Variants in FDFT1 observed in about 807,000 individuals in gnomAD.
FDFT1 encodes the protein squalene synthase.
FDFT1 carries 68 observed loss-of-function variants against 46.8 expected under a neutral mutation model. The ratio of observed to expected loss-of-function variants is 1.45; its 90% CI spans 1.19 to 1.78. The LOEUF (loss-of-function observed/expected upper bound fraction) is 1.78, where lower values mean the gene tolerates loss of function less well. Ranked by LOEUF, FDFT1 falls within the 40% of genes most tolerant of loss-of-function variation. FDFT1 has a pLI of 0.00. For missense variants in FDFT1, 928 were observed against 524.4 expected (o/e 1.77, Z -7.52); for synonymous variants, 351 against 185.1 (o/e 1.90, Z -7.28).
intron 3 of FDFT1, among the ~76,000 whole-genome samples, chr8:11,818,421 A>T (rs985899323): frequency 1.3e-5 from 2 of 152,016 alleles, no homozygotes; most frequent in Non-Finnish European, 2.9e-5. Flanking sequence ...ATCCTTGTTA[A>T]CCTTTTGTCT....
intron 7 of FDFT1, 125 bp from the exon 8 acceptor site, chr8:11,838,263 T>A (rs1811812681): frequency 1.3e-6 from 1 of 741,678 alleles, no homozygotes; most frequent in South Asian, 1.6e-5. Flanking sequence ...GTTCATGTTC[T>A]CTGAGCCTCC....
chr8:11,825,965 G>A (rs1026594838), intron 4 of FDFT1, 59 bp from the exon 5 acceptor site: 9 of 1,240,974 alleles, frequency 7.3e-6, no homozygotes, highest in South Asian at 1.8e-5. Context: ...ATGATCTCTA[G>A]TGTGTCCATT....
chr8:11,796,995 C>A (rs553331279), intron 1 of FDFT1, among the ~76,000 whole-genome samples: 1 of 152,170 alleles, frequency 6.6e-6, no homozygotes, highest in East Asian at 1.9e-4. Flanking sequence ...TTTAATTGCA[C>A]GCAGATTAAA....
At chr8:11,828,332 C>G (rs190864130) in intron 5 of FDFT1, among the ~76,000 whole-genome samples, 1 of 152,176 alleles carries the variant, frequency 6.6e-6, no homozygotes, top group African/African-American at 2.4e-5. Context: ...AAACACTTCC[C>G]TCAGCTCAGA....
chr8:11,825,329 G>T (rs1261904102), intron 4 of FDFT1, among the ~76,000 whole-genome samples: 1 of 152,022 alleles, frequency 6.6e-6, no homozygotes, highest in African/African-American at 2.4e-5. Flanking sequence ...ATCAGTTGAG[G>T]TCAGGAGTTC....
In FDFT1 at chr8:11,838,434, G is replaced by T; in HGVS notation, c.1079G>T (p.Arg360Met). 1.2e-6 allele frequency: 2 copies of T among 1,612,258 alleles called. No homozygotes were observed. The highest frequency in any genetic ancestry group is 1.7e-6 in the Non-Finnish European group (2 of 1,179,338). ...PDSDPSSSKT[R>M]QIISTIRTQN... ...TCAGACCCATCTTCTAGCAAAACAA[G>T]GCAGATCATCTCCACCATCCGGACG... Residue 360 changes from arginine (R) to methionine (M), a missense_variant, in exon 8 of 8, where the codon AGG (arginine) becomes ATG (methionine). Physicochemically the swap from Arg to Met is moderately conservative, Grantham distance 91 (BLOSUM62 -1). Transcript: ENST00000220584.
chr8:11,833,900 T>A (rs1811200962), intron 7 of FDFT1, among the ~76,000 whole-genome samples: 1 of 152,260 alleles, frequency 6.6e-6, no homozygotes, highest in Admixed American at 6.5e-5. Context: ...TTGATTTGAT[T>A]TAGGGAAATC....
chr8:11,831,828 A>G (rs546580986), intron 7 of FDFT1, 158 bp downstream of exon 7: 44 of 662,210 alleles, frequency 6.6e-5, no homozygotes, highest in Non-Finnish European at 1.1e-4. Flanking sequence ...AAAAAAGTCT[A>G]TTCACAGGAG....
intron 7 of FDFT1, among the ~76,000 whole-genome samples, chr8:11,836,945 G>GGTGA (rs1411304622): frequency 6.6e-6 from 1 of 152,148 alleles, no homozygotes; most frequent in African/African-American, 2.4e-5. Context: ...GAGATAAAAA[G>GGTGA]GTGAGTAAGT....
intron 3 of FDFT1, among the ~76,000 whole-genome samples, chr8:11,810,489 A>G (rs558276285): frequency 1.3e-5 from 2 of 152,320 alleles, no homozygotes; most frequent in Admixed American, 1.3e-4. Flanking sequence ...CCTCGTTTGT[A>G]AAGTTAGAGC....
chr8:11,812,859 G>T (rs921647059), intron 3 of FDFT1, among the ~76,000 whole-genome samples: 1 of 152,178 alleles, frequency 6.6e-6, no homozygotes, highest in Non-Finnish European at 1.5e-5. Flanking sequence ...AAATCTCATT[G>T]TATGTTAGGG....
At chr8:11,804,828 TG>T (rs1753587465) in intron 1 of FDFT1, among the ~76,000 whole-genome samples, 1 of 151,786 alleles carries the variant, frequency 6.6e-6, no homozygotes, top group African/African-American at 2.4e-5. Flanking sequence ...AGGCTGGTTT[TG>T]AACTCTTGAC....
At chr8:11,817,662 G>C (rs1039828689) in intron 3 of FDFT1, among the ~76,000 whole-genome samples, 3 of 152,174 alleles carry the variant, frequency 2.0e-5, no homozygotes, top group Non-Finnish European at 4.4e-5. Flanking sequence ...TAGAGGTGTT[G>C]ATAGTATTCT....
intron 4 of FDFT1, among the ~76,000 whole-genome samples, chr8:11,823,307 C>G (rs954911793): frequency 2.0e-5 from 3 of 152,010 alleles, no homozygotes; most frequent in African/African-American, 7.3e-5. Context: ...TATAAGTCTC[C>G]ATTTTAGGAG....
Position 11,826,100 on chromosome 8 carries a change from T to C in FDFT1, c.587T>C (p.Leu196Ser). 1 of 1,611,288 alleles carries C rather than the reference T, an allele frequency of 6.2e-7. No homozygotes were observed. Among genetic ancestry groups the C allele is most frequent in the Admixed American group, 1.7e-5 (1 of 59,982 alleles). The change falls in exon 5 of 8, where the codon TTA (leucine) becomes TCA (serine). Residue 196 changes from leucine to serine, a missense_variant. By Grantham distance (145) the Leu-to-Ser change is moderately radical (BLOSUM62 -2). Transcript: ENST00000220584. Reference sequence around the variant, plus strand: ...TCAGCCTCAGAGTTTGAAGACCCCTTAGTTGGTGAAGATACAGAACGTGCC... The same window carrying C: ...TCAGCCTCAGAGTTTGAAGACCCCTCAGTTGGTGAAGATACAGAACGTGCC... ...LFSASEFEDP[L>S]VGEDTERANS...
intron 1 of FDFT1, among the ~76,000 whole-genome samples, chr8:11,797,025 C>G (rs772710882): frequency 6.6e-6 from 1 of 152,330 alleles, no homozygotes; most frequent in East Asian, 1.9e-4. Flanking sequence ...CTGAAGACAT[C>G]TGTAGGAAAA....
chr8:11,803,273 C>G, intron 1 of FDFT1: 1 of 1,335,698 alleles, frequency 7.5e-7, no homozygotes, highest in South Asian at 1.2e-5. Flanking sequence ...GGGTGGGTTA[C>G]GCGGGAGAGG....
At chr8:11,830,770 C>T (rs1810665055) in intron 6 of FDFT1, among the ~76,000 whole-genome samples, 2 of 152,176 alleles carry the variant, frequency 1.3e-5, no homozygotes, top group Admixed American at 6.5e-5. Flanking sequence ...ATTAAAAAGT[C>T]TTCATTAAGC....
rs1249731597 is a variant in FDFT1 at position 11,839,191 on chromosome 8, G to C, written c.*582G>C. ...TCGTATTCTCATTTAAAGGAGTTTA[G>C]CTTTCAGAGAGAAACAGCAGGATTG... On this transcript the variant is annotated 3_prime_UTR_variant, in exon 8 of 8. Coordinates refer to ENST00000220584, the MANE Select transcript of FDFT1 (RefSeq NM_004462.5). 1 of 153,314 alleles carries C rather than the reference G, an allele frequency of 6.5e-6. No individual in the cohort carries two copies. The highest frequency in any genetic ancestry group is 1.5e-5 in the Non-Finnish European group (1 of 68,634). The allele number at this position is 153,314 out of a possible 1,614,324, so 9.5% of individuals were successfully genotyped here. A position where few individuals can be genotyped will look rare whatever the true frequency, so the allele number is the denominator to read the frequency against.
Sources: allele counts gnomAD v4.1 joint callset (sites outside exome capture counted in the v4.1 genomes callset), GRCh38; gene constraint gnomAD v4.1.1; transcripts MANE v1.5; gene names NCBI Gene and HGNC (gene_info 2026-07-23, HGNC 2026-07-21).